EP400: variants seen among roughly 807,000 people sequenced by gnomAD.
EP400 encodes the protein E1A binding protein p400.
Under a neutral mutation model 354.1 loss-of-function variants are expected in EP400, and 105 were observed. The ratio of observed to expected loss-of-function variants is 0.30; its 90% CI spans 0.25 to 0.35. The LOEUF is 0.35. EP400 is among the 10% of genes least tolerant of loss of function. EP400 has a pLI of 1.00. For missense variants in EP400, 3,280 were observed against 4,121.0 expected (o/e 0.80, Z 5.59); for synonymous variants, 1,646 against 1,716.9 (o/e 0.96, Z 1.02).
Position 132,067,220 on chromosome 12 carries a change from T to A in EP400, c.8750-142T>A. The A allele has an allele frequency of 7.8e-7, 1 of 1,284,024 alleles. No individual in the cohort carries two copies. Among genetic ancestry groups the A allele is most frequent in the Non-Finnish European group, 1.1e-6 (1 of 931,462 alleles). The allele number at this position is 1,284,024 out of a possible 1,614,324, so 79.5% of individuals were successfully genotyped here. On this transcript the variant is annotated intron_variant, in intron 49 of 52. Coordinates refer to ENST00000389561, the MANE Select transcript of EP400 (RefSeq NM_015409.5). This position sits in a 1 kb window ranked among gnomAD's most constrained non-coding sequence, Gnocchi z 5.3. The stretch of plus-strand genomic sequence containing the variant: ...TTGTGAACCCAGAAACATTTTAATG[T>A]AGTTAAGGGATGGCTTACTTGTCTC...
intron 5 of EP400, among the ~76,000 whole-genome samples, chr12:131,983,606 CAG>C (rs1470341070): frequency 1.3e-5 from 2 of 152,228 alleles, no homozygotes; most frequent in African/African-American, 2.4e-5. Flanking sequence ...GAGCCCACTG[CAG>C]AGAGTCTTCC....
At chr12:132,034,222 A>C (rs1050634868) in intron 30 of EP400, among the ~76,000 whole-genome samples, 4 of 152,210 alleles carry the variant, frequency 2.6e-5, no homozygotes, top group African/African-American at 9.6e-5. Flanking sequence ...GAAATTGGAA[A>C]AGTGTTGTAT....
intron 2 of EP400, among the ~76,000 whole-genome samples, chr12:131,977,731 T>G (rs1278762986): frequency 6.6e-6 from 1 of 152,170 alleles, no homozygotes; most frequent in Non-Finnish European, 1.5e-5. Context: ...TTCTTTCCTT[T>G]TCCATCTTGG....
rs559561488 is a variant in EP400 at position 132,053,285 on chromosome 12, G to C, written c.7474-58G>C. 2.3e-4 allele frequency: 367 copies of C among 1,607,926 alleles called. 1 individual carries two copies. In the East Asian group the frequency reaches 7.8e-3, roughly 34 times the overall value. ...ATGTGGTGACTGTGACTTCATCCAG[G>C]GGGTATGCAGGCCGAGTCTGCCCCT... On this transcript the variant is annotated intron_variant, in intron 42 of 52. Transcript: ENST00000389561.
chr12:131,962,762 C>T lies in EP400; in HGVS notation c.1335+808C>T, dbSNP rs1479865903. On this transcript the variant is annotated intron_variant, in intron 2 of 52. Transcript: ENST00000389561. Reference sequence around the variant, plus strand: ...AGGGTGAGAGTGAATTGGACTGTGACACACTGTATTTTGTGCCTTTGTGTT... The same window carrying T: ...AGGGTGAGAGTGAATTGGACTGTGATACACTGTATTTTGTGCCTTTGTGTT... Among the ~76,000 whole-genome samples the T allele has an allele frequency of 2.0e-5, 3 of 152,190 alleles. No homozygotes were observed. The East Asian group carries it at 5.8e-4, about 29-fold the overall frequency.
rs141946497 is a variant in EP400 at position 131,978,739 on chromosome 12, C to T, written c.1336-955C>T. On this transcript the variant is annotated intron_variant, in intron 2 of 52. Transcript: ENST00000389561. ...TGTTGCCCAGGCTGGTTTTGAACTG[C>T]TGACCTCAAGCGATCCTCCCACCTC... 7.1e-3 allele frequency among the ~76,000 whole-genome samples: 1,081 copies of T among 152,232 alleles called. 35 individuals are homozygous for T. The South Asian group carries it at 0.093, about 13-fold the overall frequency.
At chr12:132,003,154 T>C in intron 12 of EP400, among the ~76,000 whole-genome samples, 1 of 149,262 alleles carries the variant, frequency 6.7e-6, no homozygotes, top group East Asian at 2.0e-4. Flanking sequence ...AAGTTCAGCC[T>C]GGGCAACATA....
chr12:132,038,644 G>A lies in EP400; in HGVS notation c.6207+548G>A, dbSNP rs765338188. Among the ~76,000 whole-genome samples, 12 of 152,306 alleles carry A rather than the reference G, an allele frequency of 7.9e-5. No homozygotes were observed. The highest frequency in any genetic ancestry group is 1.9e-4 in the East Asian group (1 of 5,180). On this transcript the variant is annotated intron_variant, in intron 32 of 52. Transcript: ENST00000389561. The surrounding 1 kb of genome is among the most constrained non-coding windows in gnomAD (Gnocchi z 4.2). ...GGTTATGTCAATATTTTACTGTTTC[G>A]GTGTGGGTAGTAGAAGATAGAGGGC...
rs774728019 is a variant in EP400 at position 131,987,764 on chromosome 12, G to C, written c.2283G>C (p.Arg761Ser). 1 of 1,612,150 alleles carries C rather than the reference G, an allele frequency of 6.2e-7. No homozygotes were observed. The highest frequency in any genetic ancestry group is 8.5e-7 in the Non-Finnish European group (1 of 1,179,724). ...GGAAAGCAGGTCTGTGGTCCCAGAG[G>C]CGTCTGCCAAAGCTGCAGGAGGCCC... ...ELRKAGLWSQ[R>S]RLPKLQEAPR... The change falls in exon 7 of 53, where the codon AGG (arginine) becomes AGC (serine). Residue 761 changes from arginine (R) to serine (S), a missense_variant. This residue lies in a region of EP400 where 800 missense variants were observed against 840.0 expected (regional missense o/e 0.95). Coordinates refer to ENST00000389561, the MANE Select transcript of EP400 (RefSeq NM_015409.5).
At chr12:132,035,491 G>A (rs1414742961) in intron 30 of EP400, among the ~76,000 whole-genome samples, 2 of 152,234 alleles carry the variant, frequency 1.3e-5, no homozygotes, top group East Asian at 1.9e-4. Flanking sequence ...GGTTGTGCAC[G>A]AAGTGACGGT....
At chr12:131,964,876 T>C (rs909246751) in intron 2 of EP400, among the ~76,000 whole-genome samples, 1 of 152,274 alleles carries the variant, frequency 6.6e-6, no homozygotes, top group South Asian at 2.1e-4. Context: ...AAATTTCATC[T>C]CTTGTCTCAA....
In EP400 at chr12:132,006,126, C is replaced by T; in HGVS notation, c.2950C>T (p.Pro984Ser). 6.2e-7 allele frequency: 1 copy of T among 1,613,910 alleles called. No homozygotes were observed. The highest frequency in any genetic ancestry group is 1.3e-5 in the African/African-American group (1 of 75,028). The change falls in exon 14 of 53, where the codon CCA (proline) becomes TCA (serine). Residue 984 changes from proline to serine, a missense_variant. This residue lies in a region of EP400 where 800 missense variants were observed against 840.0 expected (regional missense o/e 0.95). Coordinates refer to ENST00000389561, the MANE Select transcript of EP400 (RefSeq NM_015409.5). Reference sequence around the variant, plus strand: ...TGTCGTTACAGATGCAGATGACTGTCCAGGCGACAGGGAGAGTCGCAAGGA... The same window carrying T: ...TGTCGTTACAGATGCAGATGACTGTTCAGGCGACAGGGAGAGTCGCAAGGA... ...TSGEEDADDC[P>S]GDRESRKDLV... is the part of the protein sequence containing the mutation.
At position 131,982,191 on chromosome 12, in the gene EP400, G is replaced by T; in HGVS notation, c.1642G>T (p.Ala548Ser). Residue 548 changes from alanine (A) to serine (S), a missense_variant, in exon 5 of 53, where the codon GCC becomes TCC. Ala to Ser is a moderately conservative substitution (Grantham distance 99). This residue lies in a region of EP400 where 800 missense variants were observed against 840.0 expected (regional missense o/e 0.95). Coordinates refer to ENST00000389561, the MANE Select transcript of EP400 (RefSeq NM_015409.5). ...PSTGPPVQNA[A>S]SLHTPLPQLP... ...CACGGGGCCTCCCGTGCAGAACGCT[G>T]CCAGCTTGCACACCCCACTGCCGCA... 1 of 1,613,476 alleles carries T rather than the reference G, an allele frequency of 6.2e-7. No individual in the cohort carries two copies. Among genetic ancestry groups the T allele is most frequent in the Non-Finnish European group, 8.5e-7 (1 of 1,179,798 alleles).
At chr12:131,978,693 T>C (rs1337300174) in intron 2 of EP400, among the ~76,000 whole-genome samples, 1 of 152,092 alleles carries the variant, frequency 6.6e-6, no homozygotes, top group African/African-American at 2.4e-5. Context: ...TTTATTTTTT[T>C]GTAGAGACAG....
intron 2 of EP400, among the ~76,000 whole-genome samples, chr12:131,971,577 G>A (rs914464416): frequency 2.0e-5 from 3 of 152,122 alleles, no homozygotes; most frequent in Admixed American, 2.0e-4. Context: ...CATAATGGCT[G>A]TAATAGTTTA....
chr12:132,021,042 C>T (rs1894105722), intron 22 of EP400, 37 bp from the exon 23 acceptor site: 1 of 1,547,144 alleles, frequency 6.5e-7, no homozygotes, highest in Non-Finnish European at 8.7e-7. Context: ...TTAAGAACCT[C>T]TAACAGCTTT....
At chr12:132,030,402 C>T (rs750244814) in intron 29 of EP400, among the ~76,000 whole-genome samples, 5 of 152,284 alleles carry the variant, frequency 3.3e-5, no homozygotes, top group East Asian at 1.9e-4. Context: ...ATCATTAAGA[C>T]GATACTGGCG....
At chr12:131,998,287 A>T (rs973828147) in intron 12 of EP400, among the ~76,000 whole-genome samples, 2 of 152,214 alleles carry the variant, frequency 1.3e-5, no homozygotes, top group Admixed American at 6.5e-5. Flanking sequence ...AACATGCTAG[A>T]ATCAGCTCAT....
chr12:132,022,046 G>A (rs747550523), intron 23 of EP400, among the ~76,000 whole-genome samples: 4 of 152,206 alleles, frequency 2.6e-5, no homozygotes, highest in Non-Finnish European at 4.4e-5. Context: ...GAAAGATGCA[G>A]ATGGGAGAGG....
Sources: allele counts gnomAD v4.1 joint callset (sites outside exome capture counted in the v4.1 genomes callset), GRCh38; gene constraint gnomAD v4.1.1; regional missense constraint gnomAD v4.1.1; non-coding constraint Gnocchi (gnomAD v3.1); transcripts MANE v1.5; gene names NCBI Gene and HGNC (gene_info 2026-07-23, HGNC 2026-07-21).